FGF14: variants seen among roughly 807,000 people sequenced by gnomAD.
The protein encoded by FGF14 is fibroblast growth factor 14.
A neutral mutation model predicts 25.5 loss-of-function variants in FGF14; 5 were observed. The ratio of observed to expected loss-of-function variants is 0.20; its 90% CI spans 0.10 to 0.41. The LOEUF (loss-of-function observed/expected upper bound fraction) is 0.41, where lower values mean the gene tolerates loss of function less well. FGF14 is among the 10% of genes least tolerant of loss of function. FGF14 has a pLI of 1.00. For missense variants in FGF14, 222 were observed against 320.1 expected (o/e 0.69, Z 2.34); for synonymous variants, 138 against 118.3 (o/e 1.17, Z -1.08).
chr13:102,393,213 C>T (rs2058475794), intron 1 of FGF14, among the ~76,000 whole-genome samples: 1 of 152,244 alleles, frequency 6.6e-6, no homozygotes, highest in Admixed American at 6.5e-5. Flanking sequence ...CACCTTGGTC[C>T]ACCTACACAG....
intron 1 of FGF14, among the ~76,000 whole-genome samples, chr13:102,078,983 G>C (rs1232132432): frequency 6.6e-6 from 1 of 152,188 alleles, no homozygotes; most frequent in Admixed American, 6.5e-5. Context: ...GGAGGATATA[G>C]AAATGGTCAG....
intron 1 of FGF14, among the ~76,000 whole-genome samples, chr13:102,343,335 C>A (rs1165046538): frequency 1.3e-5 from 2 of 152,162 alleles, no homozygotes; most frequent in Non-Finnish European, 2.9e-5. Flanking sequence ...GGAGGATGAA[C>A]AGAGACCATG....
chr13:101,948,710 GT>G (rs1247128415), intron 1 of FGF14, among the ~76,000 whole-genome samples: 1 of 151,762 alleles, frequency 6.6e-6, no homozygotes, highest in Non-Finnish European at 1.5e-5. Flanking sequence ...AAATAAAAAG[GT>G]TTTTTTAATT....
At chr13:101,922,612 A>G (rs1212354415) in intron 1 of FGF14, among the ~76,000 whole-genome samples, 3 of 152,234 alleles carry the variant, frequency 2.0e-5, no homozygotes, top group African/African-American at 7.2e-5. Flanking sequence ...CACCAGATAA[A>G]TGTATTTGTT....
At chr13:101,862,227 T>C (rs1481686834) in intron 3 of FGF14, among the ~76,000 whole-genome samples, 1 of 152,088 alleles carries the variant, frequency 6.6e-6, no homozygotes, top group African/African-American at 2.4e-5. Context: ...TGGGTTTTCT[T>C]CATTTCCTTC....
chr13:102,279,794 G>T (rs1263515333), intron 1 of FGF14, among the ~76,000 whole-genome samples: 3 of 152,140 alleles, frequency 2.0e-5, no homozygotes, highest in African/African-American at 7.2e-5. Context: ...TTAACATCTT[G>T]TTCAGAATAA....
chr13:102,363,517 A>G (rs935317450), intron 1 of FGF14, among the ~76,000 whole-genome samples: 1 of 152,230 alleles, frequency 6.6e-6, no homozygotes, highest in Non-Finnish European at 1.5e-5. Flanking sequence ...GGCATGGTAC[A>G]TGCTCAATTA....
intron 1 of FGF14, among the ~76,000 whole-genome samples, chr13:102,268,857 G>C (rs926425870): frequency 6.6e-6 from 1 of 152,116 alleles, no homozygotes; most frequent in African/African-American, 2.4e-5. Flanking sequence ...TAAGTTTAAT[G>C]ATAAACTCAC....
At chr13:101,853,484 G>T (rs555466554) in intron 3 of FGF14, among the ~76,000 whole-genome samples, 1 of 151,898 alleles carries the variant, frequency 6.6e-6, no homozygotes, top group Non-Finnish European at 1.5e-5. Flanking sequence ...ACAGGGCCTT[G>T]CTATGTCTCC....
intron 1 of FGF14, among the ~76,000 whole-genome samples, chr13:102,142,333 A>C (rs955450101): frequency 2.0e-5 from 3 of 152,066 alleles, no homozygotes; most frequent in African/African-American, 7.2e-5. Context: ...ATTTTCACAC[A>C]ATACTGTGCT....
At chr13:101,816,570 C>T (rs931864796) in intron 3 of FGF14, among the ~76,000 whole-genome samples, 4 of 152,058 alleles carry the variant, frequency 2.6e-5, no homozygotes, top group Non-Finnish European at 4.4e-5. Context: ...AAAAATTATA[C>T]ATCTTAAGCA....
chr13:101,931,316 G>T (rs2139241957), intron 1 of FGF14, among the ~76,000 whole-genome samples: 1 of 152,226 alleles, frequency 6.6e-6, no homozygotes. Context: ...CGCTGTCTCA[G>T]TTCCAAGTCT....
chr13:102,231,376 T>C (rs912863418), intron 1 of FGF14, among the ~76,000 whole-genome samples: 2 of 152,168 alleles, frequency 1.3e-5, no homozygotes, highest in African/African-American at 2.4e-5. Context: ...AAATATTCTT[T>C]GTGAACAGCA....
At chr13:101,730,301 T>A (rs1453875601) in intron 3 of FGF14, among the ~76,000 whole-genome samples, 1 of 152,134 alleles carries the variant, frequency 6.6e-6, no homozygotes, top group Non-Finnish European at 1.5e-5. Flanking sequence ...TTGTAGCACA[T>A]GAGTATATGT....
chr13:102,386,424 G>A (rs1384835577), intron 1 of FGF14, among the ~76,000 whole-genome samples: 1 of 152,050 alleles, frequency 6.6e-6, no homozygotes, highest in Non-Finnish European at 1.5e-5. Context: ...CAGCCATCGC[G>A]CCTGGCCCCT....
intron 1 of FGF14, chr13:102,292,677 G>C (rs2054488157): frequency 6.6e-6 from 1 of 152,218 alleles, no homozygotes; most frequent in Non-Finnish European, 1.5e-5. Context: ...ATGGGCCTGA[G>C]ACTCAGCAGG....
At chr13:102,288,288 G>A (rs1428270223) in intron 1 of FGF14, among the ~76,000 whole-genome samples, 1 of 152,126 alleles carries the variant, frequency 6.6e-6, no homozygotes, top group Non-Finnish European at 1.5e-5. Flanking sequence ...CACATATCCT[G>A]TTATTCACAA....
chr13:102,385,657 C>G (rs887045303), intron 1 of FGF14, among the ~76,000 whole-genome samples: 2 of 152,168 alleles, frequency 1.3e-5, no homozygotes, highest in Non-Finnish European at 1.5e-5. Flanking sequence ...GAACCCACTT[C>G]TAAGCTATTT....
chr13:101,883,184 C>A (rs1331126550), intron 1 of FGF14, among the ~76,000 whole-genome samples: 1 of 152,168 alleles, frequency 6.6e-6, no homozygotes, highest in Non-Finnish European at 1.5e-5. Flanking sequence ...CAGTTATATG[C>A]ATCTCTAAAA....
Sources: gnomAD v4.1 joint callset for allele counts (sites outside exome capture counted in the v4.1 genomes callset) on GRCh38, gnomAD v4.1.1 for gene constraint, MANE v1.5 for transcripts, NCBI Gene and HGNC (gene_info 2026-07-23, HGNC 2026-07-21) for gene names.